The following CACNB2 variants were observed in gnomAD, a reference collection of about 807,000 sequenced individuals.
The protein encoded by CACNB2 is calcium voltage-gated channel auxiliary subunit beta 2.
In CACNB2, 42 loss-of-function variants were observed where a neutral mutation model predicts 73.3. The ratio of observed to expected loss-of-function variants is 0.57; its 90% CI spans 0.45 to 0.74. The LOEUF (loss-of-function observed/expected upper bound fraction) is 0.74. CACNB2 is among the 30% of genes least tolerant of loss of function. The pLI, the probability that CACNB2 is intolerant of heterozygous loss-of-function variation, is 0.00. For synonymous variants in CACNB2, 348 were observed against 310.3 expected (o/e 1.12, Z -1.28); for missense variants, 940 against 853.0 (o/e 1.10, Z -1.27).
chr10:18,499,341 G>GGT (rs2050033993), intron 4 of CACNB2, among the ~76,000 whole-genome samples: 3 of 152,140 alleles, frequency 2.0e-5, no homozygotes, highest in African/African-American at 4.8e-5. Context: ...CCTAGGGCTG[G>GGT]GCCCGGTGGC....
intron 12 of CACNB2, 138 bp downstream of exon 12, chr10:18,536,334 C>T: frequency 1.7e-6 from 1 of 588,476 alleles, no homozygotes; most frequent in Non-Finnish European, 2.9e-6. Context: ...TCTTAGCTCA[C>T]TGCAGCCCTG....
intron 2 of CACNB2, among the ~76,000 whole-genome samples, chr10:18,218,280 C>G (rs1334310189): frequency 6.6e-6 from 1 of 152,184 alleles, no homozygotes; most frequent in Non-Finnish European, 1.5e-5. Flanking sequence ...TTTGACAAAT[C>G]AATTCAATTA....
At chr10:18,220,162 C>G (rs12253254) in intron 2 of CACNB2, among the ~76,000 whole-genome samples, 2 of 64,432 alleles carry the variant, frequency 3.1e-5, no homozygotes, top group African/African-American at 3.1e-4. Context: ...TATACACACA[C>G]ACACACACAC....
intron 2 of CACNB2, among the ~76,000 whole-genome samples, chr10:18,308,152 C>T (rs1467664733): frequency 6.6e-6 from 1 of 151,816 alleles, no homozygotes; most frequent in Non-Finnish European, 1.5e-5. Flanking sequence ...CGCCACCATG[C>T]CAGGCTAATT....
At chr10:18,288,014 C>A (rs774679054) in intron 2 of CACNB2, among the ~76,000 whole-genome samples, 4 of 152,186 alleles carry the variant, frequency 2.6e-5, no homozygotes, top group Non-Finnish European at 5.9e-5. Context: ...GCTGTCTTCT[C>A]CTGTATCTTT....
chr10:18,535,861 T>C (rs2053520980), intron 11 of CACNB2, among the ~76,000 whole-genome samples: 2 of 152,048 alleles, frequency 1.3e-5, no homozygotes, highest in South Asian at 4.1e-4. Flanking sequence ...TTTAGCTTCT[T>C]TAAAGAGGTT....
intron 2 of CACNB2, among the ~76,000 whole-genome samples, chr10:18,174,123 G>C (rs2033426701): frequency 6.6e-6 from 1 of 151,956 alleles, no homozygotes; most frequent in South Asian, 2.1e-4. Flanking sequence ...ACCATTGTTT[G>C]AAAGAAGTGA....
intron 2 of CACNB2, among the ~76,000 whole-genome samples, chr10:18,253,845 T>C (rs892423500): frequency 6.6e-6 from 1 of 152,166 alleles, no homozygotes; most frequent in Admixed American, 6.5e-5. Flanking sequence ...GCGAAGACAA[T>C]TGGCTGAAGA....
chr10:18,303,486 T>C (rs1303650583), intron 2 of CACNB2, among the ~76,000 whole-genome samples: 2 of 151,848 alleles, frequency 1.3e-5, no homozygotes, highest in African/African-American at 4.8e-5. Flanking sequence ...GCCTGCGTGA[T>C]AGAGCAAGGC....
chr10:18,322,577 A>G (rs2040434442), intron 2 of CACNB2, among the ~76,000 whole-genome samples: 7 of 152,194 alleles, frequency 4.6e-5, no homozygotes, highest in Admixed American at 4.6e-4. Context: ...GATATCTCTA[A>G]TTATATGATT....
intron 3 of CACNB2, among the ~76,000 whole-genome samples, chr10:18,481,202 A>G (rs1443982198): frequency 1.4e-4 from 1 of 7,194 alleles, no homozygotes; most frequent in South Asian, 0.013. Flanking sequence ...CTATATATAT[A>G]TATATATATA....
intron 2 of CACNB2, among the ~76,000 whole-genome samples, chr10:18,155,812 A>C (rs1289875747): frequency 2.0e-5 from 3 of 151,754 alleles, no homozygotes; most frequent in Non-Finnish European, 4.4e-5. Flanking sequence ...TCTAACCCAC[A>C]ATTTAACTGT....
chr10:18,141,109 C>T (rs985768237), intron 1 of CACNB2: 4 of 1,549,428 alleles, frequency 2.6e-6, no homozygotes, highest in Admixed American at 3.9e-5. Flanking sequence ...CCTGCCAGTC[C>T]TCCCAGACTT....
chr10:18,468,923 C>T (rs2048037941), intron 3 of CACNB2, among the ~76,000 whole-genome samples: 1 of 152,074 alleles, frequency 6.6e-6, no homozygotes, highest in Non-Finnish European at 1.5e-5. Flanking sequence ...TTTAAAGGTG[C>T]CATAAGTGAT....
At chr10:18,460,217 T>C (rs1395254852) in intron 3 of CACNB2, among the ~76,000 whole-genome samples, 1 of 152,284 alleles carries the variant, frequency 6.6e-6, no homozygotes, top group African/African-American at 2.4e-5. Flanking sequence ...TTTACCTCTT[T>C]GTTTGTGGCT....
rs376315952 is a variant in CACNB2, at chr10:18,244,749, C to A, written c.213+93774C>A. On this transcript the variant is annotated intron_variant, in intron 2 of 13. Transcript: ENST00000324631. Reference sequence around the variant, plus strand: ...TCGCCCCCCAAAGATGTCCATGTTCCAATCTATGGAACCTATGAATATGTT... The same window carrying A: ...TCGCCCCCCAAAGATGTCCATGTTCAAATCTATGGAACCTATGAATATGTT... Among the ~76,000 whole-genome samples, 101 of 152,276 alleles carry A rather than the reference C, an allele frequency of 6.6e-4. 1 individual carries two copies. In the South Asian group the frequency reaches 0.02, roughly 29 times the overall value.
intron 6 of CACNB2, among the ~76,000 whole-genome samples, chr10:18,511,227 CT>C (rs553811391): frequency 3.2e-4 from 49 of 151,872 alleles, no homozygotes; most frequent in African/African-American, 7.0e-4. Context: ...CCATTATTAC[CT>C]TTTTTTTGAT....
intron 2 of CACNB2, among the ~76,000 whole-genome samples, chr10:18,200,320 G>A (rs560798562): frequency 4.9e-4 from 75 of 151,818 alleles, no homozygotes; most frequent in African/African-American, 1.7e-3. Flanking sequence ...AAAGAATTGA[G>A]GATATTTTGA....
rs531376153 is a variant in CACNB2 at position 18,445,063 on chromosome 10, A to C, written c.333+43020A>C. On this transcript the variant is annotated intron_variant, in intron 3 of 13. Coordinates refer to ENST00000324631, the MANE Select transcript of CACNB2 (RefSeq NM_201596.3). ...TTATTACACACATTGAATTTGCCCCAGTTTTTCCCTACCACAAGTATCTAA... is the reference window on the plus strand; with the variant it reads ...TTATTACACACATTGAATTTGCCCCCGTTTTTCCCTACCACAAGTATCTAA... Among the ~76,000 whole-genome samples, 16 of 152,302 alleles carry C rather than the reference A, an allele frequency of 1.1e-4. No homozygotes were observed. The South Asian group carries it at 2.5e-3, about 24-fold the overall frequency.
Sources: gnomAD v4.1 joint callset for allele counts (sites outside exome capture counted in the v4.1 genomes callset) on GRCh38, gnomAD v4.1.1 for gene constraint, MANE v1.5 for transcripts, NCBI Gene and HGNC (gene_info 2026-07-23, HGNC 2026-07-21) for gene names.